Variants in B3GALT1 observed in about 807,000 individuals in gnomAD.
B3GALT1 encodes UDP-Gal:betaGlcNAc beta 1,3-galactosyltransferase, polypeptide 1.
In B3GALT1, 10 loss-of-function variants were observed where a neutral mutation model predicts 23.2. The ratio of observed to expected loss-of-function variants is 0.43; its 90% CI spans 0.27 to 0.73. The LOEUF is 0.73. Among genes scored for constraint, B3GALT1 ranks in the 30% least tolerant of loss-of-function variants. The pLI is 0.21. For synonymous variants in B3GALT1, 156 were observed against 141.5 expected, an observed-to-expected ratio of 1.10 and a Z score of -0.73; for missense variants, 299 against 405.4, an observed-to-expected ratio of 0.74 and a Z score of 2.25.
chr2:167,687,681 T>A (rs1267352159), intron 3 of B3GALT1, among the ~76,000 whole-genome samples: 1 of 152,170 alleles, frequency 6.6e-6, no homozygotes, highest in Non-Finnish European at 1.5e-5. Context: ...AAAAATGTGT[T>A]AAATCTGTTT....
chr2:167,425,656 T>C (rs1698612129), intron 1 of B3GALT1, among the ~76,000 whole-genome samples: 1 of 152,242 alleles, frequency 6.6e-6, no homozygotes. Context: ...CCACAGTCTT[T>C]TTTATTTGAT....
intron 1 of B3GALT1, among the ~76,000 whole-genome samples, chr2:167,329,180 C>G (rs1295157229): frequency 6.6e-6 from 1 of 152,178 alleles, no homozygotes; most frequent in African/African-American, 2.4e-5. Flanking sequence ...ATCTTTTGCT[C>G]TACCCTACAG....
intron 3 of B3GALT1, among the ~76,000 whole-genome samples, chr2:167,736,108 T>C (rs887926105): frequency 6.6e-6 from 1 of 152,162 alleles, no homozygotes; most frequent in African/African-American, 2.4e-5. Flanking sequence ...GGGTAGAAAT[T>C]TCAGGATCTG....
chr2:167,754,583 A>G (rs1562643), intron 3 of B3GALT1, among the ~76,000 whole-genome samples: 148,516 of 152,274 alleles, frequency 0.98, 72,544 homozygotes, highest in South Asian at 1. Context: ...TAAAATCAAC[A>G]GAGATCAAGC....
At chr2:167,476,723 G>A (rs192274158) in intron 1 of B3GALT1, among the ~76,000 whole-genome samples, 149 of 152,072 alleles carry the variant, frequency 9.8e-4, no homozygotes, top group African/African-American at 3.3e-3. Context: ...TGAGATAATG[G>A]CTTCCTTAAA....
chr2:167,651,137 A>G (rs1685857282), intron 3 of B3GALT1, among the ~76,000 whole-genome samples: 1 of 152,222 alleles, frequency 6.6e-6, no homozygotes, highest in South Asian at 2.1e-4. Context: ...TAGGGAACTC[A>G]GAATACTATT....
intron 1 of B3GALT1, among the ~76,000 whole-genome samples, chr2:167,310,395 T>G (rs778185060): frequency 1.3e-5 from 2 of 152,024 alleles, no homozygotes; most frequent in African/African-American, 4.8e-5. Flanking sequence ...AAAACACTGA[T>G]GGAAGGATAG....
intron 1 of B3GALT1, among the ~76,000 whole-genome samples, chr2:167,465,703 A>G (rs555044359): frequency 4.5e-4 from 69 of 152,272 alleles, no homozygotes; most frequent in Non-Finnish European, 8.7e-4. Context: ...TATATATTTA[A>G]ATGTATTTCA....
At chr2:167,840,075 C>T (rs1360932977) in intron 4 of B3GALT1, among the ~76,000 whole-genome samples, 2 of 152,094 alleles carry the variant, frequency 1.3e-5, no homozygotes, top group Non-Finnish European at 2.9e-5. Context: ...CCATAAAAAC[C>T]CTAGAAGAAA....
intron 4 of B3GALT1, among the ~76,000 whole-genome samples, chr2:167,819,802 C>T (rs1213427223): frequency 5.3e-5 from 8 of 152,220 alleles, no homozygotes; most frequent in African/African-American, 1.9e-4. Context: ...ATGCCTCTCT[C>T]CTGGTTCTTA....
In B3GALT1 at chr2:167,818,813, G is replaced by A. The variant is rs1689048175; in HGVS notation, c.-230+20G>A. On this transcript the variant is annotated intron_variant, in intron 4 of 4. Coordinates refer to ENST00000392690, the MANE Select transcript of B3GALT1 (RefSeq NM_020981.4). Reference sequence around the variant, plus strand: ...CAACAGGTAGGCGAGAAACCAGGTAGGCGAGAAACACGTTTCTCAGTTATG... The same window carrying A: ...CAACAGGTAGGCGAGAAACCAGGTAAGCGAGAAACACGTTTCTCAGTTATG... 6.6e-6 allele frequency among the ~76,000 whole-genome samples: 1 copy of A among 152,090 alleles called. No homozygotes were observed. Among genetic ancestry groups the A allele is most frequent in the African/African-American group, 2.4e-5 (1 of 41,416 alleles).
At chr2:167,387,476 A>G (rs910474129) in intron 1 of B3GALT1, among the ~76,000 whole-genome samples, 4 of 152,188 alleles carry the variant, frequency 2.6e-5, no homozygotes, top group Admixed American at 2.6e-4. Flanking sequence ...ACTGCAAAAT[A>G]TCTTATTTGT....
At chr2:167,829,888 T>A (rs938358093) in intron 4 of B3GALT1, among the ~76,000 whole-genome samples, 33 of 151,900 alleles carry the variant, frequency 2.2e-4, no homozygotes, top group African/African-American at 6.0e-4. Flanking sequence ...TGTAGGTAAA[T>A]GAAATGGAGT....
In B3GALT1 at chr2:167,868,869, A is replaced by T; in HGVS notation, c.-171A>T. 1 of 680,270 alleles carries T rather than the reference A, an allele frequency of 1.5e-6. No individual in the cohort carries two copies. Among genetic ancestry groups the T allele is most frequent in the Non-Finnish European group, 2.4e-6 (1 of 420,858 alleles). 42.1% of individuals were successfully genotyped at this position (680,270 alleles called of 1,614,324 possible). On this transcript the variant is annotated 5_prime_UTR_variant, in exon 5 of 5. The change abolishes an upstream ATG in the 5' untranslated region. Coordinates refer to ENST00000392690, the MANE Select transcript of B3GALT1 (RefSeq NM_020981.4). ...TCCATCAGATTTGGAAGAAAGTAGA[A>T]TGAGCGCAGAGGTGACAGACAGCCA...
intron 2 of B3GALT1, among the ~76,000 whole-genome samples, chr2:167,549,933 A>G (rs990354691): frequency 6.6e-6 from 1 of 150,630 alleles, no homozygotes; most frequent in South Asian, 2.1e-4. Context: ...ATAAATAGCT[A>G]TACCAGACCT....
At chr2:167,592,348 C>A (rs1684700672) in intron 2 of B3GALT1, among the ~76,000 whole-genome samples, 1 of 152,164 alleles carries the variant, frequency 6.6e-6, no homozygotes, top group Non-Finnish European at 1.5e-5. Context: ...ATCTCTCTCA[C>A]CCTTTGCCCT....
At chr2:167,324,751 A>T (rs1201292455) in intron 1 of B3GALT1, among the ~76,000 whole-genome samples, 1 of 152,046 alleles carries the variant, frequency 6.6e-6, no homozygotes, top group African/African-American at 2.4e-5. Flanking sequence ...TGAAAAATGT[A>T]GTATATCGTG....
chr2:167,350,740 C>T (rs961496276), intron 1 of B3GALT1, among the ~76,000 whole-genome samples: 4 of 151,998 alleles, frequency 2.6e-5, no homozygotes, highest in Non-Finnish European at 2.9e-5. Context: ...CCACATGTTC[C>T]GCATGGATAT....
intron 2 of B3GALT1, among the ~76,000 whole-genome samples, chr2:167,631,178 T>C (rs544816458): frequency 6.6e-6 from 1 of 152,042 alleles, no homozygotes; most frequent in East Asian, 1.9e-4. Flanking sequence ...AAATTATTAG[T>C]GTTTCTCTGA....
Sources: gnomAD v4.1 joint callset for allele counts (sites outside exome capture counted in the v4.1 genomes callset) on GRCh38, gnomAD v4.1.1 for gene constraint, MANE v1.5 for transcripts, NCBI Gene and HGNC (gene_info 2026-07-23, HGNC 2026-07-21) for gene names.